The following DDX43 variants were observed in gnomAD, a reference collection of about 807,000 sequenced individuals.
The protein encoded by DDX43 is probable ATP-dependent RNA helicase DDX43.
A neutral mutation model predicts 84.9 loss-of-function variants in DDX43; 50 were observed. The observed-to-expected ratio is 0.59, with a 90% CI of 0.47 to 0.75. DDX43 has a LOEUF of 0.75. Ranked by LOEUF, DDX43 falls within the 30% of genes least tolerant of loss-of-function variation. DDX43 has a pLI of 0.00. For missense variants in DDX43, 689 were observed against 798.6 expected (o/e 0.86, Z 1.65); for synonymous variants, 291 against 266.3 (o/e 1.09, Z -0.90).
At position 73,394,856 on chromosome 6, in the gene DDX43, T is replaced by G; in HGVS notation, c.-50T>G. 6.3e-7 allele frequency: 1 copy of G among 1,594,596 alleles called. No individual in the cohort carries two copies. On this transcript the variant is annotated 5_prime_UTR_variant, in exon 1 of 17. Transcript: ENST00000370336. ...CTACTCTTACGACGTCACGGTCAGG[T>G]GGTGCAGAGCTGGACGGCAACGACG...
In DDX43 at chr6:73,413,956, A is replaced by G. The variant is rs184673523; in HGVS notation, c.1497-14A>G. 55 of 1,585,714 alleles carry G rather than the reference A, an allele frequency of 3.5e-5. 1 individual carries two copies. The highest frequency in any genetic ancestry group is 2.7e-4 in the African/African-American group (20 of 74,324). On this transcript the variant is annotated splice_polypyrimidine_tract_variant and intron_variant, in intron 12 of 16. Transcript: ENST00000370336. ...ATAAGCACCTAAGAATGCTGAGTTT[A>G]TCTTTTGCTTCAGTGCGGATCACTT...
chr6:73,402,339 C>G (rs1211375551), intron 4 of DDX43, among the ~76,000 whole-genome samples: 3 of 151,858 alleles, frequency 2.0e-5, no homozygotes, highest in Non-Finnish European at 2.9e-5. Context: ...TTGGAGTATC[C>G]TGGTTGACAA....
intron 1 of DDX43, among the ~76,000 whole-genome samples, chr6:73,396,558 T>TGTGCTA (rs1212632883): frequency 6.6e-6 from 1 of 152,240 alleles, no homozygotes; most frequent in African/African-American, 2.4e-5. Flanking sequence ...GAAAGGGCAC[T>TGTGCTA]GTGCTACAGA....
chr6:73,404,540 G>A (rs550175156), intron 4 of DDX43, 150 bp from the exon 5 acceptor site: 25 of 628,798 alleles, frequency 4.0e-5, no homozygotes, highest in Middle Eastern at 4.2e-4. Flanking sequence ...AGATCTCTTC[G>A]ATGGGAGCAA....
chr6:73,409,387 C>A lies in DDX43; in HGVS notation c.1280+39C>A, dbSNP rs771681772. The A allele has an allele frequency of 4.1e-6, 6 of 1,446,620 alleles. No individual in the cohort carries two copies. The Admixed American group carries it at 1.0e-4, about 25-fold the overall frequency. 89.6% of individuals were successfully genotyped at this position (1,446,620 alleles called of 1,614,324 possible). A position where few individuals can be genotyped will look rare whatever the true frequency, so the allele number is the denominator to read the frequency against. On this transcript the variant is annotated intron_variant, in intron 10 of 16. Transcript: ENST00000370336. ...TAATTACTGTGTGCAGAATAGAAATCAGTGGAATAGAATCTCATTCTGTTT... is the reference window on the plus strand; with the variant it reads ...TAATTACTGTGTGCAGAATAGAAATAAGTGGAATAGAATCTCATTCTGTTT...
rs377084291 is a variant in DDX43 at position 73,394,893 on chromosome 6, C to A, written c.-13C>A. On this transcript the variant is annotated 5_prime_UTR_variant, in exon 1 of 17. Transcript: ENST00000370336. Reference sequence around the variant, plus strand: ...GGACGGCAACGACGTCGGACGCGCCCCTTCTTGGAACAATGTCCCACCACG... The same window carrying A: ...GGACGGCAACGACGTCGGACGCGCCACTTCTTGGAACAATGTCCCACCACG... The A allele has an allele frequency of 1.2e-6, 2 of 1,613,480 alleles. No homozygotes were observed. The highest frequency in any genetic ancestry group is 1.1e-5 in the South Asian group (1 of 91,066).
chr6:73,412,678 C>CGCGTGT (rs143068937), intron 11 of DDX43, among the ~76,000 whole-genome samples: 3 of 76,408 alleles, frequency 3.9e-5, no homozygotes, highest in Non-Finnish European at 9.0e-5. Flanking sequence ...TGCGCGCGCG[C>CGCGTGT]GTGTGTGTGT....
intron 14 of DDX43, among the ~76,000 whole-genome samples, 168 bp from the exon 15 acceptor site, chr6:73,415,329 G>T (rs1214368164): frequency 6.6e-6 from 1 of 151,680 alleles, no homozygotes; most frequent in Non-Finnish European, 1.5e-5. Flanking sequence ...ATAAATAAGA[G>T]GTACTATCAT....
At position 73,400,239 on chromosome 6, in the gene DDX43, A is replaced by G. The variant is rs747323658; in HGVS notation, c.312A>G (p.Ile104Met). 3 of 1,600,896 alleles carry G rather than the reference A, an allele frequency of 1.9e-6. No individual in the cohort carries two copies. Among genetic ancestry groups the G allele is most frequent in the East Asian group, 4.5e-5 (2 of 44,408 alleles). The stretch of plus-strand genomic sequence containing the variant: ...CTTTTTCCCCTTGTACCTAGATAAT[A>G]CAAGAACAACCAGAATCATTAGTCA... ...QSTTNTTIQIIQEQPESLVKI... is the reference protein window; with the variant it reads ...QSTTNTTIQIMQEQPESLVKI... The change falls in exon 3 of 17, where the codon ATA becomes ATG. Residue 104 changes from isoleucine to methionine, a missense_variant. Ile to Met is a conservative substitution (Grantham distance 10, BLOSUM62 1). Transcript: ENST00000370336.
chr6:73,416,227 T>A lies in DDX43; in HGVS notation c.*1T>A. ...AGGAAGGCCCAAGAAGTTTCATTAA[T>A]GTCTTCTGTACTAGTGGGGTAGAGG... On this transcript the variant is annotated 3_prime_UTR_variant, in exon 16 of 17. Transcript: ENST00000370336. The A allele has an allele frequency of 6.6e-7, 1 of 1,504,412 alleles. No individual in the cohort carries two copies. The highest frequency in any genetic ancestry group is 9.3e-7 in the Non-Finnish European group (1 of 1,080,210). The allele number at this position is 1,504,412 out of a possible 1,614,324, so 93.2% of individuals were successfully genotyped here.
chr6:73,405,898 T>C (rs1373045300), intron 6 of DDX43, 63 bp downstream of exon 6: 1 of 1,474,910 alleles, frequency 6.8e-7, no homozygotes, highest in Non-Finnish European at 9.3e-7. Flanking sequence ...TGATATCTGA[T>C]TGTTAGAAGA....
chr6:73,415,704 G>A, intron 15 of DDX43, 120 bp downstream of exon 15: 2 of 656,294 alleles, frequency 3.0e-6, no homozygotes, highest in Non-Finnish European at 5.1e-6. Flanking sequence ...CGTTTTGAGG[G>A]CTTTAGCATG....
At chr6:73,416,006 AG>A (rs1769891425) in intron 15 of DDX43, 106 bp from the exon 16 acceptor site, 1 of 675,306 alleles carries the variant, frequency 1.5e-6, no homozygotes, top group African/African-American at 1.8e-5. Context: ...TTCTGTTTAA[AG>A]GATGTCATGT....
intron 2 of DDX43, among the ~76,000 whole-genome samples, chr6:73,399,126 A>G (rs1442933552): frequency 6.6e-6 from 1 of 151,718 alleles, no homozygotes; most frequent in Non-Finnish European, 1.5e-5. Flanking sequence ...TTTGTACTTT[A>G]AGTAGAGACA....
intron 14 of DDX43, 58 bp from the exon 15 acceptor site, chr6:73,415,439 G>A (rs1769883784): frequency 8.0e-7 from 1 of 1,257,412 alleles, no homozygotes; most frequent in Non-Finnish European, 1.1e-6. Context: ...GTTTTCATTT[G>A]TCTTATTCTG....
At chr6:73,396,488 T>C (rs971504334) in intron 1 of DDX43, among the ~76,000 whole-genome samples, 9 of 152,120 alleles carry the variant, frequency 5.9e-5, no homozygotes, top group Non-Finnish European at 1.0e-4. Context: ...AGAATGATGC[T>C]CCAAGAAAGA....
At chr6:73,414,459 G>T in intron 13 of DDX43, 89 bp from the exon 14 acceptor site, 1 of 1,108,356 alleles carries the variant, frequency 9.0e-7, no homozygotes, top group Non-Finnish European at 1.3e-6. Context: ...AAATAAAATT[G>T]ATTAAATTAG....
At chr6:73,402,523 T>C (rs1179657455) in intron 4 of DDX43, among the ~76,000 whole-genome samples, 1 of 152,226 alleles carries the variant, frequency 6.6e-6, no homozygotes, top group Admixed American at 6.5e-5. Flanking sequence ...TCCTCTCCTC[T>C]TAACCTCCCA....
At chr6:73,405,866 C>T (rs371509851) in intron 6 of DDX43, 31 bp downstream of exon 6, 11 of 1,598,592 alleles carry the variant, frequency 6.9e-6, no homozygotes, top group Middle Eastern at 1.7e-4. Flanking sequence ...ATATTTCACT[C>T]AATGTTTTTC....
Sources: gnomAD v4.1 joint callset for allele counts (sites outside exome capture counted in the v4.1 genomes callset) on GRCh38, gnomAD v4.1.1 for gene constraint, MANE v1.5 for transcripts, NCBI Gene and HGNC (gene_info 2026-07-23, HGNC 2026-07-21) for gene names.